GTF2A1: variants seen among roughly 807,000 people sequenced by gnomAD.
The protein encoded by GTF2A1 is general transcription factor IIA subunit 1.
Under a neutral mutation model 54.1 loss-of-function variants are expected in GTF2A1, and 12 were observed. That is an observed-to-expected ratio of 0.22 (90% confidence interval 0.14 to 0.36). The LOEUF (loss-of-function observed/expected upper bound fraction) is 0.36, where lower values mean the gene tolerates loss of function less well. Among genes scored for constraint, GTF2A1 ranks in the 10% least tolerant of loss-of-function variants. The pLI is 1.00. For synonymous variants in GTF2A1, 145 were observed against 152.0 expected (o/e 0.95, Z 0.34); for missense variants, 335 against 442.2 (o/e 0.76, Z 2.17).
At chr14:81,216,570 A>C in intron 1 of GTF2A1, 56 bp from the exon 2 acceptor site, 1 of 756,910 alleles carries the variant, frequency 1.3e-6, no homozygotes, top group South Asian at 1.6e-5. Flanking sequence ...CTTATAATGT[A>C]TAACAGGTTT....
intron 2 of GTF2A1, chr14:81,210,013 C>A: frequency 2.1e-6 from 1 of 485,176 alleles, no homozygotes. Flanking sequence ...CTGACATTTT[C>A]GGCAGGACAA....
intron 1 of GTF2A1, among the ~76,000 whole-genome samples, chr14:81,218,384 T>G (rs1202646316): frequency 6.6e-6 from 1 of 152,160 alleles, no homozygotes. Flanking sequence ...ATAAGCCCTA[T>G]AGGTGAAGGA....
chr14:81,213,645 C>T (rs1303541858), intron 2 of GTF2A1, among the ~76,000 whole-genome samples: 1 of 152,174 alleles, frequency 6.6e-6, no homozygotes, highest in Non-Finnish European at 1.5e-5. Flanking sequence ...CCCTCAGTTA[C>T]TTCATGCTAC....
At position 81,178,632 on chromosome 14, in the gene GTF2A1, T is replaced by C. The variant is rs1021984065; in HGVS notation, c.*1591A>G. On this transcript the variant is annotated 3_prime_UTR_variant, in exon 9 of 9. Transcript: ENST00000553612. The stretch of plus-strand genomic sequence containing the variant: ...TTGCCTTTTTTTAAAGTTAAAAGAT[T>C]TGTGTTAAAAAAGAAACACTATATA... The C allele has an allele frequency of 1.3e-5, 2 of 152,324 alleles. No homozygotes were observed. The highest frequency in any genetic ancestry group is 4.8e-5 in the African/African-American group (2 of 41,588). The allele number at this position is 152,324 out of a possible 1,614,324, so 9.4% of individuals were successfully genotyped here.
chr14:81,209,742 T>C (rs1893320127), intron 2 of GTF2A1: 2 of 370,488 alleles, frequency 5.4e-6, no homozygotes, highest in African/African-American at 2.1e-5. Context: ...TAATAGACTA[T>C]TCCTTACGAT....
At chr14:81,191,508 C>T (rs959976100) in intron 7 of GTF2A1, among the ~76,000 whole-genome samples, 1 of 152,004 alleles carries the variant, frequency 6.6e-6, no homozygotes, top group Non-Finnish European at 1.5e-5. Flanking sequence ...TTGGATAAAC[C>T]TCAGGAATAT....
At chr14:81,187,650 GT>G (rs1892779491) in intron 7 of GTF2A1, among the ~76,000 whole-genome samples, 1 of 152,160 alleles carries the variant, frequency 6.6e-6, no homozygotes, top group African/African-American at 2.4e-5. Context: ...CACATAGCAT[GT>G]TTTCAAGGTT....
chr14:81,196,006 GAA>G, intron 6 of GTF2A1, 100 bp downstream of exon 6: 1 of 1,039,572 alleles, frequency 9.6e-7, no homozygotes. Flanking sequence ...CTGTAGCACT[GAA>G]AAAGAGTCTT....
intron 2 of GTF2A1, among the ~76,000 whole-genome samples, chr14:81,213,352 G>A (rs750700946): frequency 2.6e-5 from 4 of 152,154 alleles, no homozygotes; most frequent in Admixed American, 6.5e-5. Context: ...CATTCTCTTC[G>A]AGAGAATGTC....
chr14:81,210,904 T>C (rs1372524490), intron 2 of GTF2A1, among the ~76,000 whole-genome samples: 3 of 152,208 alleles, frequency 2.0e-5, no homozygotes, highest in Admixed American at 2.0e-4. Flanking sequence ...GGAATACTAA[T>C]CTTTGCCAGG....
chr14:81,185,085 T>C (rs1359257758), intron 8 of GTF2A1, among the ~76,000 whole-genome samples: 8 of 152,096 alleles, frequency 5.3e-5, no homozygotes, highest in African/African-American at 1.2e-4. Flanking sequence ...TAAAAACTTA[T>C]GTTTGTTTTT....
chr14:81,194,935 G>A (rs979600347), intron 6 of GTF2A1, among the ~76,000 whole-genome samples: 2 of 152,094 alleles, frequency 1.3e-5, no homozygotes, highest in Admixed American at 6.6e-5. Flanking sequence ...CTGAAGTCAG[G>A]AGTTCAAGTC....
intron 4 of GTF2A1, among the ~76,000 whole-genome samples, chr14:81,199,094 C>T (rs962528288): frequency 2.0e-5 from 3 of 152,084 alleles, no homozygotes; most frequent in Non-Finnish European, 4.4e-5. Flanking sequence ...TTAACCACCA[C>T]ATACTATTAA....
At chr14:81,196,445 A>G (rs550248156) in intron 5 of GTF2A1, among the ~76,000 whole-genome samples, 1 of 152,122 alleles carries the variant, frequency 6.6e-6, no homozygotes, top group East Asian at 1.9e-4. Flanking sequence ...CATTCCTTAA[A>G]ATGTTTTATT....
chr14:81,211,910 A>ATATATATATATATATATAT (rs1893379992), intron 2 of GTF2A1, among the ~76,000 whole-genome samples: 1 of 89,224 alleles, frequency 1.1e-5, no homozygotes, highest in South Asian at 3.1e-4. Context: ...TATATATATA[A>ATATATATATATATATATAT]CTAGAGTATA....
chr14:81,197,494 AC>A lies in GTF2A1; in HGVS notation c.403-11del. 1 of 1,512,028 alleles carries A rather than the reference AC, an allele frequency of 6.6e-7. No individual in the cohort carries two copies. Among genetic ancestry groups the A allele is most frequent in the Admixed American group, 1.9e-5 (1 of 53,696 alleles). The allele number at this position is 1,512,028 out of a possible 1,614,324, so 93.7% of individuals were successfully genotyped here. ...CTGTAGCAGCAGCACTCTGAAAAAA[AC>A]AAAGAAAAAATATCAAAACCACATA... is the stretch of plus-strand genomic sequence containing the variant. On this transcript the variant is annotated splice_polypyrimidine_tract_variant and intron_variant, in intron 4 of 8. Coordinates refer to ENST00000553612, the MANE Select transcript of GTF2A1 (RefSeq NM_015859.4).
chr14:81,204,468 T>G (rs1344077479), intron 2 of GTF2A1, among the ~76,000 whole-genome samples: 1 of 152,182 alleles, frequency 6.6e-6, no homozygotes, highest in East Asian at 1.9e-4. Flanking sequence ...TAAACTATTT[T>G]TATATGGAAC....
chr14:81,218,282 T>C (rs1893531281), intron 1 of GTF2A1, among the ~76,000 whole-genome samples: 1 of 152,216 alleles, frequency 6.6e-6, no homozygotes, highest in South Asian at 2.1e-4. Flanking sequence ...TAGGTATAAA[T>C]CTGCTTTCTT....
At chr14:81,205,389 G>T (rs757927555) in intron 2 of GTF2A1, among the ~76,000 whole-genome samples, 9 of 152,114 alleles carry the variant, frequency 5.9e-5, no homozygotes, top group Non-Finnish European at 1.2e-4. Context: ...AAATGTTAAG[G>T]TCAATTTCCT....
Sources: allele counts gnomAD v4.1 joint callset (sites outside exome capture counted in the v4.1 genomes callset), GRCh38; gene constraint gnomAD v4.1.1; transcripts MANE v1.5; gene names NCBI Gene and HGNC (gene_info 2026-07-23, HGNC 2026-07-21).